Variants in SH2D3C observed in about 807,000 individuals in gnomAD.
SH2D3C encodes the protein SH2 domain-containing protein 3C.
SH2D3C carries 25 observed loss-of-function variants against 75.2 expected under a neutral mutation model. The observed-to-expected ratio is 0.33, with a 90% CI of 0.24 to 0.46. The LOEUF is 0.46. Ranked by LOEUF, SH2D3C falls within the 20% of genes least tolerant of loss-of-function variation. The probability of loss-of-function intolerance (pLI) is 1.00; values close to 1 mark genes in which losing one functional copy is unlikely to be tolerated. For missense variants in SH2D3C, 933 were observed against 1,165.3 expected, an observed-to-expected ratio of 0.80 and a Z score of 2.90; for synonymous variants, 450 against 473.7, an observed-to-expected ratio of 0.95 and a Z score of 0.65.
intron 2 of SH2D3C, chr9:127,767,071 A>T (rs1224658972): frequency 6.5e-7 from 1 of 1,536,112 alleles, no homozygotes; most frequent in Non-Finnish European, 8.7e-7. Context: ...CCACTCCCCA[A>T]GATGGGCCAC....
intron 7 of SH2D3C, among the ~76,000 whole-genome samples, chr9:127,743,976 C>T (rs1213511640): frequency 6.6e-6 from 1 of 152,142 alleles, no homozygotes; most frequent in Non-Finnish European, 1.5e-5. Context: ...GAGAAGTGTC[C>T]CCAACTGCCT....
intron 2 of SH2D3C, among the ~76,000 whole-genome samples, chr9:127,773,763 C>A (rs537574981): frequency 2.0e-5 from 3 of 151,852 alleles, no homozygotes; most frequent in Admixed American, 2.0e-4. Context: ...ACTAAAAATA[C>A]AAAAATTAGC....
chr9:127,771,353 C>CCACGCCCCCAGA, intron 2 of SH2D3C: 1 of 1,365,600 alleles, frequency 7.3e-7, no homozygotes, highest in Non-Finnish European at 9.4e-7. Flanking sequence ...GACCTGTAGA[C>CCACGCCCCCAGA]CACGCCCCCA....
intron 2 of SH2D3C, chr9:127,762,108 C>T: frequency 6.7e-6 from 6 of 897,462 alleles, no homozygotes; most frequent in Non-Finnish European, 8.4e-6. Flanking sequence ...TGGGGATCAG[C>T]CCGTCCTCTT....
Position 127,742,878 on chromosome 9 carries a change from G to A in SH2D3C, c.1887C>T (p.Gly629=). 1 of 1,613,760 alleles carries A rather than the reference G, an allele frequency of 6.2e-7. No homozygotes were observed. The highest frequency in any genetic ancestry group is 8.5e-7 in the Non-Finnish European group (1 of 1,179,856). The part of the protein sequence containing the change: ...WGMELLTLPH[G]RQLRLDLLER... ...CCAGCAGGTCTAGGCGTAGCTGCCG[G>A]CCATGGGGGAGGGTGAGCAGTTCCA... The change falls in exon 8 of 12, where the codon GGC becomes GGT. Residue 629 remains glycine, a synonymous_variant. Transcript: ENST00000314830.
chr9:127,740,767 G>T (rs1241206521), intron 9 of SH2D3C, among the ~76,000 whole-genome samples: 1 of 152,196 alleles, frequency 6.6e-6, no homozygotes, highest in East Asian at 1.9e-4. Flanking sequence ...TGCAAACTCC[G>T]CCTCCTGGCT....
chr9:127,778,057 T>C (rs1829059782), intron 1 of SH2D3C, among the ~76,000 whole-genome samples: 1 of 152,090 alleles, frequency 6.6e-6, no homozygotes, highest in East Asian at 1.9e-4. Context: ...GTGCAATCTC[T>C]GCTCACTGCT....
rs1187722508 is a variant in SH2D3C at position 127,774,070 on chromosome 9, C to G, written c.435G>C (p.Glu145Asp). Residue 145 changes from glutamate (E) to aspartate (D), a missense_variant, in exon 2 of 12, where the codon GAG becomes GAC. Glu to Asp is a conservative substitution (Grantham distance 45). Coordinates refer to ENST00000314830, the MANE Select transcript of SH2D3C (RefSeq NM_170600.3). This position sits in a 1 kb window ranked among gnomAD's most constrained non-coding sequence, Gnocchi z 4.3. ...CCTCAGGCTTTCTGATGGGGTCTAC[C>G]TCCACTGCTGAAGGGTTGGGTTCCA... The part of the protein sequence containing the change: ...PAMEPNPSAV[E>D]VDPIRKPEVP... The G allele has an allele frequency of 1.9e-6, 3 of 1,614,198 alleles. No individual in the cohort carries two copies. Among genetic ancestry groups the G allele is most frequent in the African/African-American group, 1.3e-5 (1 of 75,056 alleles).
intron 1 of SH2D3C, among the ~76,000 whole-genome samples, chr9:127,775,637 A>G (rs1486905577): frequency 6.6e-6 from 1 of 151,178 alleles, no homozygotes; most frequent in Non-Finnish European, 1.5e-5. Context: ...CAAAATGAAT[A>G]AATAAATAAA....
intron 4 of SH2D3C, among the ~76,000 whole-genome samples, chr9:127,750,477 C>T (rs1845169585): frequency 6.6e-6 from 1 of 152,156 alleles, no homozygotes; most frequent in South Asian, 2.1e-4. Flanking sequence ...CTCCTATCCA[C>T]CTCACAAAGG....
Position 127,754,351 on chromosome 9 carries a change from C to G in SH2D3C, c.556-3051G>C, listed in dbSNP as rs966103767. On this transcript the variant is annotated intron_variant, in intron 3 of 11. Coordinates refer to ENST00000314830, the MANE Select transcript of SH2D3C (RefSeq NM_170600.3). This position sits in a 1 kb window ranked among gnomAD's most constrained non-coding sequence, Gnocchi z 4.4. ...GCTCAGGGGGCAGGAGCGCGGAGAC[C>G]CCCGGACAGGGTCTTAACCCCTTCC... 2.6e-5 allele frequency among the ~76,000 whole-genome samples: 4 copies of G among 152,096 alleles called. No homozygotes were observed. Among genetic ancestry groups the G allele is most frequent in the African/African-American group, 9.7e-5 (4 of 41,418 alleles).
At chr9:127,752,620 T>C (rs1374788719) in intron 3 of SH2D3C, among the ~76,000 whole-genome samples, 3 of 152,102 alleles carry the variant, frequency 2.0e-5, no homozygotes, top group South Asian at 2.1e-4. Flanking sequence ...GCTACATCCC[T>C]CACCCCTCTG....
chr9:127,758,095 T>A (rs1169184243), intron 3 of SH2D3C, among the ~76,000 whole-genome samples: 1 of 152,050 alleles, frequency 6.6e-6, no homozygotes, highest in Non-Finnish European at 1.5e-5. Context: ...GGATTACAGG[T>A]GTGAGCCCAG....
chr9:127,748,647 T>C (rs1588499844), intron 5 of SH2D3C, among the ~76,000 whole-genome samples: 1 of 152,334 alleles, frequency 6.6e-6, no homozygotes, highest in East Asian at 1.9e-4. Flanking sequence ...CATACAGCAC[T>C]TAACACTTAG....
In SH2D3C at chr9:127,754,944, T is replaced by C. The variant is rs142611303; in HGVS notation, c.556-3644A>G. 0.038 allele frequency: 19,785 copies of C among 514,600 alleles called. 1,252 individuals are homozygous for C. Among genetic ancestry groups the C allele is most frequent in the African/African-American group, 0.21 (10,057 of 48,168 alleles). 31.9% of individuals were successfully genotyped at this position (514,600 alleles called of 1,614,324 possible). A position where few individuals can be genotyped will look rare whatever the true frequency, so the allele number is the denominator to read the frequency against. ...GGGGTGACCCCGCCCCCTCCCCGGG[T>C]CGGCCGGGCCCAGCCCAGCCCGACC... On this transcript the variant is annotated intron_variant, in intron 3 of 11. Coordinates refer to ENST00000314830, the MANE Select transcript of SH2D3C (RefSeq NM_170600.3). This position sits in a 1 kb window ranked among gnomAD's most constrained non-coding sequence, Gnocchi z 4.4.
intron 3 of SH2D3C, among the ~76,000 whole-genome samples, chr9:127,760,040 C>T (rs1014225578): frequency 6.6e-6 from 1 of 151,278 alleles, no homozygotes; most frequent in African/African-American, 2.4e-5. Flanking sequence ...CATGTAGTCC[C>T]AGGGACTTAG....
In SH2D3C at chr9:127,741,899, C is replaced by T. The variant is rs368258497; in HGVS notation, c.1977G>A (p.Glu659=). 1 of 1,613,130 alleles carries T rather than the reference C, an allele frequency of 6.2e-7. No individual in the cohort carries two copies. Among genetic ancestry groups the T allele is most frequent in the Non-Finnish European group, 8.5e-7 (1 of 1,179,978 alleles). The change falls in exon 9 of 12, where the codon GAG becomes GAA. Residue 659 remains glutamate, a synonymous_variant. Coordinates refer to ENST00000314830, the MANE Select transcript of SH2D3C (RefSeq NM_170600.3). ...TCTTGTGCAGCAGCGCTGCCCGCTC[C>T]TCCGCAGAGCCGGTGCAGCCCAGGA... ...VDILGCTGSA[E]ERAALLHKTI...
chr9:127,762,199 A>C, intron 2 of SH2D3C: 1 of 1,191,606 alleles, frequency 8.4e-7, no homozygotes, highest in African/African-American at 1.6e-5. Flanking sequence ...CCGGTGCTAG[A>C]GGGCTACAGA....
intron 2 of SH2D3C, among the ~76,000 whole-genome samples, chr9:127,766,086 G>T (rs1224591501): frequency 6.6e-6 from 1 of 152,150 alleles, no homozygotes; most frequent in African/African-American, 2.4e-5. Flanking sequence ...CACCCTCAGG[G>T]CCTTCATCCT....
Sources: allele counts gnomAD v4.1 joint callset (sites outside exome capture counted in the v4.1 genomes callset), GRCh38; gene constraint gnomAD v4.1.1; non-coding constraint Gnocchi (gnomAD v3.1); transcripts MANE v1.5; gene names NCBI Gene and HGNC (gene_info 2026-07-23, HGNC 2026-07-21).